Variants in HEATR5B observed in about 807,000 individuals in gnomAD.
HEATR5B encodes HEAT repeat containing 5B.
In HEATR5B, 156 loss-of-function variants were observed where a neutral mutation model predicts 224.1. The ratio of observed to expected loss-of-function variants is 0.70; its 90% CI spans 0.61 to 0.80. The LOEUF (loss-of-function observed/expected upper bound fraction) is 0.80. HEATR5B is among the 30% of genes least tolerant of loss of function. HEATR5B has a pLI of 0.00. For synonymous variants in HEATR5B, 1,027 were observed against 893.0 expected, an observed-to-expected ratio of 1.15 and a Z score of -2.68; for missense variants, 2,323 against 2,535.5, an observed-to-expected ratio of 0.92 and a Z score of 1.80.
chr2:37,056,490 A>C lies in HEATR5B; in HGVS notation c.2349T>G (p.Ala783=). 6.2e-7 allele frequency: 1 copy of C among 1,613,212 alleles called. No homozygotes were observed. Residue 783 remains alanine, a synonymous_variant, in exon 16 of 36, where the codon GCT becomes GCG. Coordinates refer to ENST00000233099, the MANE Select transcript of HEATR5B (RefSeq NM_019024.3). ...PLPLGVSVID[A]SVALFGVVFP... is the part of the protein sequence containing the mutation. ...ACACTACACCAAAAAGGGCCACAGA[A>C]GCATCAATGACTGAGACTCCGAGAG...
chr2:36,985,606 T>C (rs527688137), intron 35 of HEATR5B, among the ~76,000 whole-genome samples: 60 of 147,840 alleles, frequency 4.1e-4, no homozygotes, highest in African/African-American at 1.4e-3. Context: ...TACAGGCATG[T>C]GCCACCACTC....
chr2:36,981,429 A>G lies in HEATR5B; in HGVS notation c.*61T>C. ...ACCCATAGGTAGCCTGGAATGATAC[A>G]GTGGCCATCACTAATTAGGGGCTAG... On this transcript the variant is annotated 3_prime_UTR_variant, in exon 36 of 36. Transcript: ENST00000233099. 1.6e-6 allele frequency: 2 copies of G among 1,265,542 alleles called. No homozygotes were observed. The highest frequency in any genetic ancestry group is 2.2e-6 in the Non-Finnish European group (2 of 905,090). The allele number at this position is 1,265,542 out of a possible 1,614,324, so 78.4% of individuals were successfully genotyped here.
rs1666262376 is a variant in HEATR5B, at chr2:36,990,601, G to C, written c.5697+47C>G. ...TAATGAATCAATCTGACATTTTCCT[G>C]ATAAAGGGAAATGTTTTTATCTATG... On this transcript the variant is annotated intron_variant, in intron 34 of 35. Transcript: ENST00000233099. 3 of 1,436,464 alleles carry C rather than the reference G, an allele frequency of 2.1e-6. No homozygotes were observed. The South Asian group carries it at 4.5e-5, about 21-fold the overall frequency. 89.0% of individuals were successfully genotyped at this position (1,436,464 alleles called of 1,614,324 possible). A position where few individuals can be genotyped will look rare whatever the true frequency, so the allele number is the denominator to read the frequency against.
Position 37,005,548 on chromosome 2 carries a change from G to GA in HEATR5B, c.4905+83dup, listed in dbSNP as rs368089386. On this transcript the variant is annotated intron_variant, in intron 30 of 35. Transcript: ENST00000233099. ...TCATGTTAAAATAGGATCCAATACAGAAAAAAAATCCATCCTTTTTTCCAT... is the reference window on the plus strand; with the variant it reads ...TCATGTTAAAATAGGATCCAATACAGAAAAAAAAATCCATCCTTTTTTCCAT... 5.2e-4 allele frequency: 666 copies of GA among 1,291,732 alleles called. 8 individuals carry two copies. The African/African-American group carries it at 8.4e-3, about 16-fold the overall frequency. The allele number at this position is 1,291,732 out of a possible 1,614,324, so 80.0% of individuals were successfully genotyped here. A position where few individuals can be genotyped will look rare whatever the true frequency, so the allele number is the denominator to read the frequency against.
At position 37,008,850 on chromosome 2, in the gene HEATR5B, T is replaced by A; in HGVS notation, c.4285-2A>T. ...AATATTCATAGCGACCACATATACC[T>A]AATATGATATTTATGAGGACAAAAT... On this transcript the variant is annotated splice_acceptor_variant, in intron 27 of 35. Coordinates refer to ENST00000233099, the MANE Select transcript of HEATR5B (RefSeq NM_019024.3). LOFTEE classifies it high-confidence loss of function. The A allele has an allele frequency of 1.9e-6, 3 of 1,542,426 alleles. No individual in the cohort carries two copies. The South Asian group carries it at 3.4e-5, about 17-fold the overall frequency.
At chr2:37,075,303 C>G (rs987439226) in intron 5 of HEATR5B, among the ~76,000 whole-genome samples, 182 bp downstream of exon 5, 2 of 151,988 alleles carry the variant, frequency 1.3e-5, no homozygotes, top group East Asian at 3.9e-4. Context: ...GTGAAAGAAG[C>G]CAGAATACAC....
intron 15 of HEATR5B, 59 bp from the exon 16 acceptor site, chr2:37,056,674 A>AC: frequency 5.0e-6 from 7 of 1,404,642 alleles, no homozygotes; most frequent in Middle Eastern, 2.0e-4. Context: ...TACTTATTAA[A>AC]CATTGGGAAT....
rs1420762038 is a variant in HEATR5B at position 37,028,186 on chromosome 2, A to G, written c.3602-12T>C. Reference sequence around the variant, plus strand: ...TGCAGTACTCATATCTATAACAAGAATAAGGAATATTGTAACAATCTCACA... The same window carrying G: ...TGCAGTACTCATATCTATAACAAGAGTAAGGAATATTGTAACAATCTCACA... On this transcript the variant is annotated splice_polypyrimidine_tract_variant and intron_variant, in intron 23 of 35. Transcript: ENST00000233099. The G allele has an allele frequency of 6.4e-7, 1 of 1,571,186 alleles. No homozygotes were observed. The highest frequency in any genetic ancestry group is 8.7e-7 in the Non-Finnish European group (1 of 1,147,886).
chr2:37,059,464 A>ATATT (rs1428386666), intron 12 of HEATR5B, among the ~76,000 whole-genome samples: 2,766 of 65,542 alleles, frequency 0.042, 228 homozygotes, highest in East Asian at 0.26. Context: ...ATATATATAT[A>ATATT]TTTTTTTTTT....
At chr2:37,020,317 C>T (rs745761498) in intron 25 of HEATR5B, among the ~76,000 whole-genome samples, 43 of 152,296 alleles carry the variant, frequency 2.8e-4, no homozygotes, top group African/African-American at 8.9e-4. Flanking sequence ...ATAAAAATAA[C>T]GGCAGCAAAT....
chr2:36,985,504 C>T (rs1665889927), intron 35 of HEATR5B, among the ~76,000 whole-genome samples: 1 of 142,964 alleles, frequency 7.0e-6, no homozygotes, highest in Non-Finnish European at 1.5e-5. Flanking sequence ...GTTGCCCAGG[C>T]TGGAGTGCAG....
chr2:37,032,279 T>G (rs1669181539), intron 22 of HEATR5B, among the ~76,000 whole-genome samples: 1 of 152,148 alleles, frequency 6.6e-6, no homozygotes, highest in South Asian at 2.1e-4. Context: ...ACTTCCTTAC[T>G]TTAGGAGACA....
At chr2:37,009,925 C>G (rs1441013483) in intron 27 of HEATR5B, among the ~76,000 whole-genome samples, 1 of 152,054 alleles carries the variant, frequency 6.6e-6, no homozygotes, top group Non-Finnish European at 1.5e-5. Context: ...TCCTTCTAAA[C>G]TCCTTCTTAC....
intron 16 of HEATR5B, among the ~76,000 whole-genome samples, chr2:37,055,655 T>C (rs1186773683): frequency 2.6e-5 from 4 of 152,170 alleles, no homozygotes; most frequent in Non-Finnish European, 5.9e-5. Flanking sequence ...TAGAGATGAG[T>C]GTCTCACTAT....
intron 18 of HEATR5B, among the ~76,000 whole-genome samples, chr2:37,044,246 G>A (rs1670049848): frequency 6.6e-6 from 1 of 152,142 alleles, no homozygotes; most frequent in African/African-American, 2.4e-5. Context: ...CATCACCACA[G>A]AAAGTTGCCT....
Position 37,037,877 on chromosome 2 carries a change from G to A in HEATR5B, c.3194C>T (p.Ser1065Phe). The part of the protein sequence containing the change: ...HMFAPRHVNL[S>F]SLVPSLCVHL... ...TACACAAAGGCTAGGAACAAGGCTAGATAGATTGACATGTCGTGGTGCAAA... is the reference window on the plus strand; with the variant it reads ...TACACAAAGGCTAGGAACAAGGCTAAATAGATTGACATGTCGTGGTGCAAA... Residue 1065 changes from serine (S) to phenylalanine (F), a missense_variant, in exon 21 of 36, where the codon TCT becomes TTT. This residue lies in a region of HEATR5B where 88 missense variants were observed against 86.8 expected (regional missense o/e 1.01). Coordinates refer to ENST00000233099, the MANE Select transcript of HEATR5B (RefSeq NM_019024.3). 1 of 1,589,482 alleles carries A rather than the reference G, an allele frequency of 6.3e-7. No homozygotes were observed. The highest frequency in any genetic ancestry group is 8.6e-7 in the Non-Finnish European group (1 of 1,165,718).
chr2:37,080,854 C>T (rs1672516811), intron 2 of HEATR5B, among the ~76,000 whole-genome samples: 1 of 151,360 alleles, frequency 6.6e-6, no homozygotes, highest in African/African-American at 2.4e-5. Context: ...GGGAGAGGAA[C>T]CAAAACCTAA....
intron 33 of HEATR5B, among the ~76,000 whole-genome samples, chr2:36,996,502 T>TG (rs1378535439): frequency 6.6e-6 from 1 of 151,568 alleles, no homozygotes; most frequent in African/African-American, 2.4e-5. Context: ...CTGCAACCTC[T>TG]GCCTCCTGAG....
At chr2:36,982,861 G>GAGACAC in intron 35 of HEATR5B, among the ~76,000 whole-genome samples, 1 of 58,540 alleles carries the variant, frequency 1.7e-5, no homozygotes. Flanking sequence ...AACAGACACA[G>GAGACAC]ATACACACAC....
Sources: allele counts gnomAD v4.1 joint callset (sites outside exome capture counted in the v4.1 genomes callset), GRCh38; gene constraint gnomAD v4.1.1; regional missense constraint gnomAD v4.1.1; transcripts MANE v1.5; gene names NCBI Gene and HGNC (gene_info 2026-07-23, HGNC 2026-07-21).